LMX1A: variants seen among roughly 807,000 people sequenced by gnomAD.
The protein encoded by LMX1A is LIM homeobox transcription factor 1 alpha.
LMX1A carries 15 observed loss-of-function variants against 49.1 expected under a neutral mutation model. The observed-to-expected ratio is 0.31, with a 90% CI of 0.20 to 0.47. The LOEUF is 0.47. Ranked by LOEUF, LMX1A falls within the 20% of genes least tolerant of loss-of-function variation. The probability of loss-of-function intolerance (pLI) is 1.00; values close to 1 mark genes in which losing one functional copy is unlikely to be tolerated. For synonymous variants in LMX1A, 167 were observed against 185.7 expected (o/e 0.90, Z 0.82); for missense variants, 372 against 475.8 (o/e 0.78, Z 2.03).
chr1:165,243,626 G>A (rs538143150), intron 4 of LMX1A, among the ~76,000 whole-genome samples: 116 of 152,310 alleles, frequency 7.6e-4, no homozygotes, highest in Admixed American at 1.6e-3. Flanking sequence ...ATCTTAGGGA[G>A]CATTTCTGTC....
At chr1:165,301,937 T>C (rs1654788182) in intron 3 of LMX1A, among the ~76,000 whole-genome samples, 1 of 152,108 alleles carries the variant, frequency 6.6e-6, no homozygotes. Context: ...TATCAACTCA[T>C]AGAATGCTGG....
At chr1:165,204,067 G>T in intron 8 of LMX1A, 27 bp from the exon 9 acceptor site, 1 of 1,612,092 alleles carries the variant, frequency 6.2e-7, no homozygotes, top group South Asian at 1.1e-5. Flanking sequence ...ACACTGGCAT[G>T]AGGGTCTTGA....
intron 4 of LMX1A, among the ~76,000 whole-genome samples, chr1:165,232,382 C>T (rs957994768): frequency 6.6e-6 from 1 of 152,176 alleles, no homozygotes; most frequent in Non-Finnish European, 1.5e-5. Context: ...GTTTTATCAG[C>T]CTCTTGAAGG....
intron 3 of LMX1A, among the ~76,000 whole-genome samples, chr1:165,258,513 A>T (rs893382219): frequency 6.6e-6 from 1 of 152,086 alleles, no homozygotes; most frequent in African/African-American, 2.4e-5. Flanking sequence ...AGAAAATGGG[A>T]AACAATAAGT....
chr1:165,353,032 T>C (rs1656479180), intron 3 of LMX1A, 44 bp downstream of exon 3: 1 of 1,598,644 alleles, frequency 6.3e-7, no homozygotes, highest in South Asian at 1.1e-5. Context: ...CGACGCACAC[T>C]GATGCCAGTG....
At chr1:165,304,876 G>A (rs979928567) in intron 3 of LMX1A, among the ~76,000 whole-genome samples, 4 of 152,106 alleles carry the variant, frequency 2.6e-5, no homozygotes, top group Non-Finnish European at 5.9e-5. Flanking sequence ...TGCCAAATCT[G>A]CTCAGGCATC....
At chr1:165,225,191 G>C (rs1450791127) in intron 4 of LMX1A, among the ~76,000 whole-genome samples, 2 of 152,186 alleles carry the variant, frequency 1.3e-5, no homozygotes, top group Middle Eastern at 3.2e-3. Context: ...TGGTCAGGAG[G>C]CCCTCAGCCC....
At chr1:165,221,242 T>C (rs189806280) in intron 4 of LMX1A, among the ~76,000 whole-genome samples, 21 of 152,168 alleles carry the variant, frequency 1.4e-4, no homozygotes, top group African/African-American at 5.1e-4. Flanking sequence ...GCAGCATTAT[T>C]GTTATTAAAG....
At chr1:165,247,054 CTTTTTTTTTTTTTT>C (rs71097567) in intron 4 of LMX1A, among the ~76,000 whole-genome samples, 3 of 53,230 alleles carry the variant, frequency 5.6e-5, no homozygotes, top group Non-Finnish European at 9.8e-5. Context: ...TCAGCTTTTT[CTTTTTTTTTTTTTT>C]TTTTTTTTTT....
chr1:165,328,027 T>G (rs1341031883), intron 3 of LMX1A, among the ~76,000 whole-genome samples: 1 of 152,244 alleles, frequency 6.6e-6, no homozygotes, highest in Non-Finnish European at 1.5e-5. Flanking sequence ...ACTCTGTCTC[T>G]GGGTTGAGAC....
chr1:165,205,750 T>G, intron 8 of LMX1A, 114 bp downstream of exon 8: 1 of 975,948 alleles, frequency 1.0e-6, no homozygotes, highest in Non-Finnish European at 1.6e-6. Context: ...GTAGGGCACA[T>G]TATTCTGCTT....
rs535714479 is a variant in LMX1A, at chr1:165,304,819, T to G, written c.263+48257A>C. Among the ~76,000 whole-genome samples, 13 of 152,304 alleles carry G rather than the reference T, an allele frequency of 8.5e-5. No individual in the cohort carries two copies. The East Asian group carries it at 2.5e-3, about 29-fold the overall frequency. On this transcript the variant is annotated intron_variant, in intron 3 of 8. Transcript: ENST00000342310. ...GCATCCTCTTCCTTGTCTGGTGCCTTTACTCAGATTGTCCCATCAGCCTGG... is the reference window on the plus strand; with the variant it reads ...GCATCCTCTTCCTTGTCTGGTGCCTGTACTCAGATTGTCCCATCAGCCTGG...
chr1:165,266,675 C>T (rs1653631892), intron 3 of LMX1A, among the ~76,000 whole-genome samples: 1 of 136,358 alleles, frequency 7.3e-6, no homozygotes, highest in African/African-American at 2.7e-5. Context: ...GATCTTGGCT[C>T]ACTGCCAGCT....
chr1:165,217,438 G>A (rs1651682410), intron 4 of LMX1A, among the ~76,000 whole-genome samples: 1 of 152,212 alleles, frequency 6.6e-6, no homozygotes, highest in African/African-American at 2.4e-5. Flanking sequence ...TATTTTTAGG[G>A]GAGGTGGTGA....
At chr1:165,332,780 C>G (rs970154058) in intron 3 of LMX1A, among the ~76,000 whole-genome samples, 13 of 152,186 alleles carry the variant, frequency 8.5e-5, no homozygotes, top group Non-Finnish European at 1.5e-4. Context: ...TATTCTTAGA[C>G]AGTGACTTAA....
At chr1:165,345,791 G>T (rs750539266) in intron 3 of LMX1A, among the ~76,000 whole-genome samples, 1 of 152,192 alleles carries the variant, frequency 6.6e-6, no homozygotes, top group Non-Finnish European at 1.5e-5. Flanking sequence ...CACTTTGGGA[G>T]GCTAAGGTGG....
intron 3 of LMX1A, among the ~76,000 whole-genome samples, chr1:165,268,813 C>T (rs1653703252): frequency 6.6e-6 from 1 of 152,190 alleles, no homozygotes; most frequent in Non-Finnish European, 1.5e-5. Flanking sequence ...ACACAGTTAT[C>T]CAGATAGTCA....
Position 165,346,299 on chromosome 1 carries a change from T to C in LMX1A, c.263+6777A>G, listed in dbSNP as rs565564132. ...CAGAAAAGCCAGACATATTTGCTGTTATCCAAAAATAGGATCCCCAAACTG... is the reference window on the plus strand; with the variant it reads ...CAGAAAAGCCAGACATATTTGCTGTCATCCAAAAATAGGATCCCCAAACTG... On this transcript the variant is annotated intron_variant, in intron 3 of 8. Coordinates refer to ENST00000342310, the MANE Select transcript of LMX1A (RefSeq NM_177398.4). Among the ~76,000 whole-genome samples, 5 of 152,320 alleles carry C rather than the reference T, an allele frequency of 3.3e-5. No homozygotes were observed. The East Asian group carries it at 9.6e-4, about 29-fold the overall frequency.
At chr1:165,227,010 G>T (rs1652059763) in intron 4 of LMX1A, among the ~76,000 whole-genome samples, 1 of 152,144 alleles carries the variant, frequency 6.6e-6, no homozygotes, top group Admixed American at 6.5e-5. Flanking sequence ...GAAGTGTTTT[G>T]GTAAAGACCA....
Sources: allele counts gnomAD v4.1 joint callset (sites outside exome capture counted in the v4.1 genomes callset), GRCh38; gene constraint gnomAD v4.1.1; transcripts MANE v1.5; gene names NCBI Gene and HGNC (gene_info 2026-07-23, HGNC 2026-07-21).